The following PICALM variants were observed in gnomAD, a reference collection of about 807,000 sequenced individuals.
PICALM encodes the protein phosphatidylinositol-binding clathrin assembly protein.
A neutral mutation model predicts 80.5 loss-of-function variants in PICALM; 40 were observed. The ratio of observed to expected loss-of-function variants is 0.50; its 90% CI spans 0.39 to 0.65. The LOEUF is 0.65. Ranked by LOEUF, PICALM falls within the 30% of genes least tolerant of loss-of-function variation. The probability of loss-of-function intolerance (pLI) is 0.00; values close to 1 mark genes in which losing one functional copy is unlikely to be tolerated. For synonymous variants in PICALM, 288 were observed against 260.3 expected (o/e 1.11, Z -1.02); for missense variants, 676 against 778.9 (o/e 0.87, Z 1.57).
Position 86,017,505 on chromosome 11 carries a change from T to G in PICALM, c.453-2542A>C, listed in dbSNP as rs190617953. ...TCCTAATATACAAAAAGTTCATTTG[T>G]TGAGTGTTTGTTATGTGTTAAGCAC... is the stretch of plus-strand genomic sequence containing the variant. On this transcript the variant is annotated intron_variant, in intron 4 of 19. Transcript: ENST00000393346. 9.3e-4 allele frequency among the ~76,000 whole-genome samples: 142 copies of G among 152,352 alleles called. 1 individual carries two copies. The highest frequency in any genetic ancestry group is 1.8e-3 in the Admixed American group (28 of 15,302).
chr11:86,025,325 G>C (rs1299295921), intron 3 of PICALM, among the ~76,000 whole-genome samples: 1 of 151,816 alleles, frequency 6.6e-6, no homozygotes, highest in Non-Finnish European at 1.5e-5. Context: ...GCTTGAACCC[G>C]GGAGGCGGAG....
chr11:85,962,505 G>A (rs1042406940), intron 19 of PICALM, among the ~76,000 whole-genome samples: 4 of 152,146 alleles, frequency 2.6e-5, no homozygotes, highest in African/African-American at 7.2e-5. Context: ...CAGACCCACA[G>A]TAAAATGCCC....
At chr11:86,019,042 T>A (rs1456503424) in intron 4 of PICALM, among the ~76,000 whole-genome samples, 1 of 152,194 alleles carries the variant, frequency 6.6e-6, no homozygotes, top group Non-Finnish European at 1.5e-5. Context: ...TTCTATTTAC[T>A]CGCACAGAAA....
intron 9 of PICALM, among the ~76,000 whole-genome samples, chr11:86,001,362 T>C (rs958818816): frequency 6.6e-6 from 1 of 152,224 alleles, no homozygotes; most frequent in African/African-American, 2.4e-5. Context: ...TGACTTAATA[T>C]ACACTCACTG....
chr11:86,025,398 CA>C, intron 3 of PICALM, among the ~76,000 whole-genome samples: 1 of 151,362 alleles, frequency 6.6e-6, no homozygotes, highest in Admixed American at 6.6e-5. Flanking sequence ...GACTTCGTCT[CA>C]AAAAAACATA....
chr11:86,054,486 T>C (rs970088167), intron 1 of PICALM, among the ~76,000 whole-genome samples: 8 of 152,144 alleles, frequency 5.3e-5, no homozygotes, highest in Admixed American at 6.5e-5. Context: ...ATTAACACTT[T>C]GCATTCTACC....
chr11:86,009,169 T>C (rs975097205), intron 7 of PICALM, among the ~76,000 whole-genome samples: 3 of 150,664 alleles, frequency 2.0e-5, no homozygotes, highest in African/African-American at 7.3e-5. Context: ...GGCGGGCACC[T>C]GTAATCCCAG....
intron 16 of PICALM, among the ~76,000 whole-genome samples, 199 bp from the exon 17 acceptor site, chr11:85,981,427 G>A (rs975762868): frequency 3.9e-5 from 6 of 152,164 alleles, no homozygotes; most frequent in Non-Finnish European, 5.9e-5. Context: ...CTAACACGGC[G>A]AAACCCCGTC....
rs539816798 is a variant in PICALM at position 86,031,009 on chromosome 11, A to C, written c.273+460T>G. ...AGCACACACTTGTAATCCCAGCTAC[A>C]TGGGAGGCTGAGGTGGGAAGGTCCC... On this transcript the variant is annotated intron_variant, in intron 2 of 19. Coordinates refer to ENST00000393346, the MANE Select transcript of PICALM (RefSeq NM_007166.4). Among the ~76,000 whole-genome samples the C allele has an allele frequency of 8.5e-5, 13 of 152,108 alleles. No homozygotes were observed. In the South Asian group the frequency reaches 2.7e-3, roughly 32 times the overall value.
chr11:86,049,122 G>A (rs1386354376), intron 1 of PICALM, among the ~76,000 whole-genome samples: 3 of 151,934 alleles, frequency 2.0e-5, no homozygotes, highest in Admixed American at 6.6e-5. Context: ...GCAAAAGCCC[G>A]TCTCTACTAA....
rs891597494 is a variant in PICALM at position 85,957,809 on chromosome 11, G to C, written c.*1237C>G. The C allele has an allele frequency of 9.0e-6, 2 of 221,096 alleles. No individual in the cohort carries two copies. The highest frequency in any genetic ancestry group is 4.5e-5 in the African/African-American group (2 of 44,610). 13.7% of individuals were successfully genotyped at this position (221,096 alleles called of 1,614,324 possible). On this transcript the variant is annotated 3_prime_UTR_variant, in exon 20 of 20. Transcript: ENST00000393346. ...AATGCTTAAACTCATGTACAGAATT[G>C]CTTTCCTACAATGAACTGTCCTTCT...
intron 19 of PICALM, among the ~76,000 whole-genome samples, chr11:85,974,043 C>T (rs1274784130): frequency 6.7e-6 from 1 of 148,948 alleles, no homozygotes; most frequent in Non-Finnish European, 1.5e-5. Context: ...ACGGGTAAAA[C>T]ATTAAAAAAA....
At chr11:86,009,511 G>A (rs955264336) in intron 7 of PICALM, among the ~76,000 whole-genome samples, 2 of 151,682 alleles carry the variant, frequency 1.3e-5, no homozygotes, top group African/African-American at 4.8e-5. Flanking sequence ...GGCCAACACG[G>A]TGAAACCCCG....
Position 85,990,351 on chromosome 11 carries a change from A to T in PICALM, c.1307T>A (p.Leu436Ter). The T allele has an allele frequency of 6.2e-7, 1 of 1,608,300 alleles. No individual in the cohort carries two copies. ...VDAVDDAIPS[L>*]NPFLTKSSGD... ...ACTACTTTTTGTGAGGAAAGGATTTAAGCTTGGAATGGCATCATCAACAGC... is the reference window on the plus strand; with the variant it reads ...ACTACTTTTTGTGAGGAAAGGATTTTAGCTTGGAATGGCATCATCAACAGC... The change falls in exon 13 of 20, where the codon TTA (leucine) becomes TAA (stop). Residue 436 changes from leucine (L) to a stop codon, truncating the protein, a stop_gained. Transcript: ENST00000393346. LOFTEE classifies it high-confidence loss of function.
chr11:86,035,947 C>CAAAAAAAAAAAA (rs543040504), intron 1 of PICALM, among the ~76,000 whole-genome samples: 53 of 66,108 alleles, frequency 8.0e-4, no homozygotes, highest in Non-Finnish European at 1.2e-3. Context: ...GACTCTGCCT[C>CAAAAAAAAAAAA]AAAAAAAAAA....
chr11:85,994,762 G>C (rs528502597), intron 12 of PICALM, among the ~76,000 whole-genome samples: 1 of 152,266 alleles, frequency 6.6e-6, no homozygotes, highest in East Asian at 1.9e-4. Flanking sequence ...GAGTGTGGTG[G>C]CACAAATCTC....
chr11:86,050,901 T>C (rs1310753797), intron 1 of PICALM, among the ~76,000 whole-genome samples: 1 of 152,188 alleles, frequency 6.6e-6, no homozygotes, highest in Admixed American at 6.5e-5. Flanking sequence ...TTGTACAAGG[T>C]GGCCTCAAAC....
At chr11:85,966,497 T>G (rs931779439) in intron 19 of PICALM, among the ~76,000 whole-genome samples, 9 of 151,972 alleles carry the variant, frequency 5.9e-5, no homozygotes, top group African/African-American at 2.2e-4. Context: ...AGCAAAATGA[T>G]AAAGTACACA....
intron 1 of PICALM, among the ~76,000 whole-genome samples, chr11:86,034,681 T>C (rs966614815): frequency 1.3e-5 from 2 of 151,942 alleles, no homozygotes; most frequent in Non-Finnish European, 2.9e-5. Context: ...AAGTACCACA[T>C]GGCACGTAGG....
Sources: allele counts gnomAD v4.1 joint callset (sites outside exome capture counted in the v4.1 genomes callset), GRCh38; gene constraint gnomAD v4.1.1; transcripts MANE v1.5; gene names NCBI Gene and HGNC (gene_info 2026-07-23, HGNC 2026-07-21).